GRID1: variants seen among roughly 807,000 people sequenced by gnomAD.
GRID1 encodes glutamate receptor ionotropic, delta-1.
In GRID1, 28 loss-of-function variants were observed where a neutral mutation model predicts 98.0. The ratio of observed to expected loss-of-function variants is 0.29; its 90% CI spans 0.21 to 0.39. The LOEUF is 0.39. Among genes scored for constraint, GRID1 ranks in the 10% least tolerant of loss-of-function variants. GRID1 has a pLI of 1.00. For missense variants in GRID1, 1,111 were observed against 1,340.5 expected (o/e 0.83, Z 2.67); for synonymous variants, 553 against 538.5 (o/e 1.03, Z -0.37).
intron 4 of GRID1, among the ~76,000 whole-genome samples, chr10:86,087,619 A>G (rs929057688): frequency 6.6e-6 from 1 of 151,908 alleles, no homozygotes; most frequent in South Asian, 2.1e-4. Context: ...GGCCACTCCT[A>G]TGTGTCCAAT....
chr10:85,619,815 T>C, intron 14 of GRID1, 52 bp downstream of exon 14: 1 of 1,430,446 alleles, frequency 7.0e-7, no homozygotes, highest in Non-Finnish European at 9.8e-7. Flanking sequence ...TCTCCTACCC[T>C]TGACCACTAG....
At chr10:86,190,896 G>A (rs1474450136) in intron 3 of GRID1, among the ~76,000 whole-genome samples, 2 of 150,992 alleles carry the variant, frequency 1.3e-5, no homozygotes, top group Non-Finnish European at 1.5e-5. Flanking sequence ...ATGCATGAGT[G>A]TGTACGTGCA....
At chr10:86,177,911 AAG>A (rs1422226106) in intron 3 of GRID1, among the ~76,000 whole-genome samples, 1 of 152,166 alleles carries the variant, frequency 6.6e-6, no homozygotes, top group Admixed American at 6.5e-5. Flanking sequence ...ATGTGTGTAA[AAG>A]AGACGGAGAG....
At chr10:85,637,657 T>C (rs1843063515) in intron 13 of GRID1, among the ~76,000 whole-genome samples, 1 of 152,264 alleles carries the variant, frequency 6.6e-6, no homozygotes, top group Admixed American at 6.5e-5. Flanking sequence ...CCTGCCTCTC[T>C]AATTTCCTTT....
chr10:86,214,478 G>C (rs1243731590), intron 2 of GRID1, among the ~76,000 whole-genome samples: 1 of 152,178 alleles, frequency 6.6e-6, no homozygotes, highest in Admixed American at 6.5e-5. Flanking sequence ...TGCCATGTTG[G>C]ACTATTTTGT....
intron 3 of GRID1, among the ~76,000 whole-genome samples, chr10:86,179,654 TC>T (rs1356966537): frequency 6.6e-6 from 1 of 152,144 alleles, no homozygotes; most frequent in Non-Finnish European, 1.5e-5. Flanking sequence ...TGTCCTACCC[TC>T]TATGGGAACA....
intron 4 of GRID1, among the ~76,000 whole-genome samples, chr10:86,049,805 C>T (rs1020236617): frequency 6.6e-6 from 1 of 152,220 alleles, no homozygotes; most frequent in Non-Finnish European, 1.5e-5. Flanking sequence ...CTGCCTGCAA[C>T]TCACCTCTTC....
chr10:85,709,424 C>A (rs752217295), intron 12 of GRID1, among the ~76,000 whole-genome samples: 1 of 152,156 alleles, frequency 6.6e-6, no homozygotes, highest in Admixed American at 6.5e-5. Flanking sequence ...CTAGTTGAAC[C>A]TTTCACTTTG....
intron 2 of GRID1, among the ~76,000 whole-genome samples, chr10:86,336,525 A>C (rs1293630022): frequency 1.3e-5 from 2 of 152,192 alleles, no homozygotes; most frequent in Non-Finnish European, 2.9e-5. Context: ...GGCCTCCTCC[A>C]CGGTGACAAT....
intron 4 of GRID1, among the ~76,000 whole-genome samples, chr10:85,956,739 A>G (rs1164824504): frequency 6.6e-6 from 1 of 152,196 alleles, no homozygotes; most frequent in Non-Finnish European, 1.5e-5. Context: ...AGAACAGAGT[A>G]GGCATGGGAA....
chr10:85,739,310 T>C (rs916174744), intron 8 of GRID1, among the ~76,000 whole-genome samples: 1 of 152,092 alleles, frequency 6.6e-6, no homozygotes, highest in African/African-American at 2.4e-5. Flanking sequence ...CCGGGCACAG[T>C]GGCTCATGCC....
intron 5 of GRID1, among the ~76,000 whole-genome samples, chr10:85,910,960 C>T (rs1000243728): frequency 6.6e-6 from 1 of 152,124 alleles, no homozygotes; most frequent in Non-Finnish European, 1.5e-5. Context: ...AAAGAAAAAC[C>T]CTGCCAAAAC....
At chr10:85,627,637 T>C (rs1271098451) in intron 13 of GRID1, among the ~76,000 whole-genome samples, 1 of 152,172 alleles carries the variant, frequency 6.6e-6, no homozygotes, top group Non-Finnish European at 1.5e-5. Context: ...TGATTACGGA[T>C]ATCGAGGCTC....
intron 12 of GRID1, among the ~76,000 whole-genome samples, chr10:85,713,664 G>A (rs1033157492): frequency 6.7e-6 from 1 of 148,284 alleles, no homozygotes; most frequent in Non-Finnish European, 1.5e-5. Flanking sequence ...ATGATCAAGT[G>A]GAACTTACCC....
intron 5 of GRID1, among the ~76,000 whole-genome samples, chr10:85,877,569 A>G (rs1448586912): frequency 6.6e-6 from 1 of 152,234 alleles, no homozygotes; most frequent in East Asian, 1.9e-4. Context: ...CCTGTCTGTT[A>G]GAAGGAAAAC....
intron 4 of GRID1, among the ~76,000 whole-genome samples, chr10:86,103,685 C>T (rs1844335104): frequency 1.3e-5 from 2 of 152,216 alleles, no homozygotes; most frequent in South Asian, 4.1e-4. Context: ...CCAGCCATGG[C>T]TCTTAAACGT....
At chr10:86,298,479 C>G (rs1847627100) in intron 2 of GRID1, among the ~76,000 whole-genome samples, 1 of 151,406 alleles carries the variant, frequency 6.6e-6, no homozygotes, top group South Asian at 2.1e-4. Flanking sequence ...ACGTTCACTC[C>G]CTGCACTCCA....
chr10:86,000,243 A>G (rs1842788621), intron 4 of GRID1, among the ~76,000 whole-genome samples: 1 of 152,230 alleles, frequency 6.6e-6, no homozygotes, highest in Admixed American at 6.5e-5. Context: ...AAAAAAAGTT[A>G]TAAAACTAAC....
At chr10:86,204,486 G>A (rs1392998957) in intron 3 of GRID1, among the ~76,000 whole-genome samples, 1 of 152,252 alleles carries the variant, frequency 6.6e-6, no homozygotes, top group Non-Finnish European at 1.5e-5. Flanking sequence ...CAAGCTGCCA[G>A]CTCTGTAGGA....
Sources: gnomAD v4.1 joint callset for allele counts (sites outside exome capture counted in the v4.1 genomes callset) on GRCh38, gnomAD v4.1.1 for gene constraint, MANE v1.5 for transcripts, NCBI Gene and HGNC (gene_info 2026-07-23, HGNC 2026-07-21) for gene names.